The following CADM2 variants were observed in gnomAD, a reference collection of about 807,000 sequenced individuals.
The protein encoded by CADM2 is immunoglobulin superfamily member 4D.
In CADM2, 12 loss-of-function variants were observed where a neutral mutation model predicts 49.8. The ratio of observed to expected loss-of-function variants is 0.24; its 90% CI spans 0.15 to 0.39. The LOEUF is 0.39. Ranked by LOEUF, CADM2 falls within the 10% of genes least tolerant of loss-of-function variation. The pLI is 1.00. For missense variants in CADM2, 378 were observed against 492.3 expected, an observed-to-expected ratio of 0.77 and a Z score of 2.20; for synonymous variants, 214 against 175.4, an observed-to-expected ratio of 1.22 and a Z score of -1.74.
At chr3:85,440,721 G>A (rs1415922939) in intron 1 of CADM2, among the ~76,000 whole-genome samples, 3 of 140,886 alleles carry the variant, frequency 2.1e-5, no homozygotes, top group East Asian at 4.0e-4. Context: ...CATGGCTCAC[G>A]TCTGTAATCC....
chr3:85,493,852 G>T (rs932936461), intron 1 of CADM2, among the ~76,000 whole-genome samples: 1 of 152,182 alleles, frequency 6.6e-6, no homozygotes, highest in Non-Finnish European at 1.5e-5. Context: ...CCCTGTGTGA[G>T]ATATGCTTTC....
intron 3 of CADM2, among the ~76,000 whole-genome samples, chr3:85,806,980 T>G (rs1439914119): frequency 6.6e-6 from 1 of 152,150 alleles, no homozygotes; most frequent in Non-Finnish European, 1.5e-5. Context: ...GACCTAACAA[T>G]CAAGGATATT....
intron 7 of CADM2, among the ~76,000 whole-genome samples, chr3:85,947,331 A>C (rs1200549262): frequency 6.6e-6 from 1 of 151,572 alleles, no homozygotes; most frequent in African/African-American, 2.4e-5. Flanking sequence ...AGATATTCTT[A>C]TACCAGCAGT....
At chr3:85,326,360 G>C (rs534667576) in intron 1 of CADM2, among the ~76,000 whole-genome samples, 1 of 152,180 alleles carries the variant, frequency 6.6e-6, no homozygotes, top group South Asian at 2.1e-4. Flanking sequence ...ATATTGGTCA[G>C]AAAACAGCAG....
chr3:85,256,847 A>C (rs908044975), intron 1 of CADM2, among the ~76,000 whole-genome samples: 6 of 152,120 alleles, frequency 3.9e-5, no homozygotes, highest in Non-Finnish European at 8.8e-5. Flanking sequence ...CTGTGGTTTG[A>C]ATTTGATTTT....
intron 1 of CADM2, among the ~76,000 whole-genome samples, chr3:85,347,442 TG>T (rs146511066): frequency 0.36 from 53,559 of 147,154 alleles, 11,506 homozygotes; most frequent in East Asian, 0.76. Context: ...AGCCAATTTT[TG>T]GAAGAAAGTA....
Position 85,680,223 on chromosome 3 carries a change from A to T in CADM2, c.62-46299A>T, listed in dbSNP as rs868775385. Among the ~76,000 whole-genome samples, 4 of 152,022 alleles carry T rather than the reference A, an allele frequency of 2.6e-5. No individual in the cohort carries two copies. The South Asian group carries it at 6.2e-4, about 24-fold the overall frequency. ...AATCTAGATTAGTGAAAATATAAAAATTTTTCACACTTCTAAGAAGTTCTG... is the reference window on the plus strand; with the variant it reads ...AATCTAGATTAGTGAAAATATAAAATTTTTTCACACTTCTAAGAAGTTCTG... On this transcript the variant is annotated intron_variant, in intron 1 of 9. Coordinates refer to ENST00000383699, the MANE Select transcript of CADM2 (RefSeq NM_001167675.2).
At chr3:85,631,521 G>T (rs991250802) in intron 1 of CADM2, among the ~76,000 whole-genome samples, 1 of 152,026 alleles carries the variant, frequency 6.6e-6, no homozygotes, top group Non-Finnish European at 1.5e-5. Flanking sequence ...ACAAATGTCT[G>T]TTCAGTTGAG....
intron 1 of CADM2, among the ~76,000 whole-genome samples, chr3:85,486,649 G>T (rs76177044): frequency 1.3e-5 from 2 of 151,882 alleles, no homozygotes; most frequent in African/African-American, 4.8e-5. Flanking sequence ...TATTATAAAG[G>T]TTCCCAACAG....
At chr3:84,994,823 T>A (rs2033087266) in intron 1 of CADM2, among the ~76,000 whole-genome samples, 1 of 152,102 alleles carries the variant, frequency 6.6e-6, no homozygotes, top group African/African-American at 2.4e-5. Context: ...TGTCAGGAGT[T>A]CGAGAGCAGC....
At chr3:85,477,158 ACT>A (rs1261977239) in intron 1 of CADM2, among the ~76,000 whole-genome samples, 1 of 150,804 alleles carries the variant, frequency 6.6e-6, no homozygotes, top group African/African-American at 2.4e-5. Context: ...AGAATACCAC[ACT>A]GTCAAAAAAC....
intron 1 of CADM2, among the ~76,000 whole-genome samples, chr3:85,148,603 AC>A (rs2039824324): frequency 6.6e-6 from 1 of 152,186 alleles, no homozygotes; most frequent in Non-Finnish European, 1.5e-5. Context: ...CAAACAATGC[AC>A]CATTCTCCCA....
intron 3 of CADM2, among the ~76,000 whole-genome samples, chr3:85,803,855 A>G (rs2108085390): frequency 6.6e-6 from 1 of 152,318 alleles, no homozygotes; most frequent in African/African-American, 2.4e-5. Context: ...TTGTTTAACC[A>G]AACATCTGGG....
chr3:85,576,133 G>C (rs1435787946), intron 1 of CADM2, among the ~76,000 whole-genome samples: 1 of 151,978 alleles, frequency 6.6e-6, no homozygotes, highest in East Asian at 1.9e-4. Flanking sequence ...TGTCAACTTT[G>C]TTTTAACATA....
chr3:86,071,005 C>T lies in CADM2; in HGVS notation c.*4222C>T, dbSNP rs1476826011. ...AGATCCAAGAGGTTGCTAATCTTCA[C>T]CTCTCACATACTAAAGCATTCATTA... is the stretch of plus-strand genomic sequence containing the variant. On this transcript the variant is annotated 3_prime_UTR_variant, in exon 10 of 10. Transcript: ENST00000383699. The T allele has an allele frequency of 2.0e-5, 3 of 151,902 alleles. No individual in the cohort carries two copies. The highest frequency in any genetic ancestry group is 4.4e-5 in the Non-Finnish European group (3 of 67,816). The allele number at this position is 151,902 out of a possible 1,614,324, so 9.4% of individuals were successfully genotyped here.
At chr3:85,756,893 T>C (rs2107884775) in intron 2 of CADM2, among the ~76,000 whole-genome samples, 1 of 152,206 alleles carries the variant, frequency 6.6e-6, no homozygotes. Flanking sequence ...ACAGAGACGT[T>C]TTATATAATT....
chr3:85,952,674 T>C lies in CADM2; in HGVS notation c.792-8795T>C, dbSNP rs188804485. ...TACAGACTAGAGGCTGTAAAGAGAG[T>C]TTCTTTTATCTCTTCCTTAACACCA... is the stretch of plus-strand genomic sequence containing the variant. On this transcript the variant is annotated intron_variant, in intron 7 of 9. Coordinates refer to ENST00000383699, the MANE Select transcript of CADM2 (RefSeq NM_001167675.2). 1.6e-3 allele frequency among the ~76,000 whole-genome samples: 244 copies of C among 150,960 alleles called. 1 individual carries two copies. The highest frequency in any genetic ancestry group is 0.015 in the Admixed American group (229 of 15,068).
At chr3:85,935,737 T>A in intron 6 of CADM2, 30 bp from the exon 7 acceptor site, 2 of 1,311,548 alleles carry the variant, frequency 1.5e-6, no homozygotes, top group South Asian at 2.6e-5. Context: ...ATGTGTTTAA[T>A]TACCTTTCTT....
chr3:84,959,002 C>CGTCGCCGCTGCCGCT lies in CADM2; in HGVS notation c.-604_-590dup. The CGTCGCCGCTGCCGCT allele has an allele frequency of 5.0e-6, 1 of 201,598 alleles. No homozygotes were observed. Among genetic ancestry groups the CGTCGCCGCTGCCGCT allele is most frequent in the Non-Finnish European group, 9.9e-6 (1 of 101,220 alleles). The allele number at this position is 201,598 out of a possible 1,614,324, so 12.5% of individuals were successfully genotyped here. A position where few individuals can be genotyped will look rare whatever the true frequency, so the allele number is the denominator to read the frequency against. ...GTCTGGTGCTTCGTAGAGCTGCCGC[C>CGTCGCCGCTGCCGCT]GTCGCCGCTGCCGCTGCCGCCACAG... is the stretch of plus-strand genomic sequence containing the variant. On this transcript the variant is annotated 5_prime_UTR_variant, in exon 1 of 10. Coordinates refer to ENST00000383699, the MANE Select transcript of CADM2 (RefSeq NM_001167675.2).
Sources: allele counts gnomAD v4.1 joint callset (sites outside exome capture counted in the v4.1 genomes callset), GRCh38; gene constraint gnomAD v4.1.1; transcripts MANE v1.5; gene names NCBI Gene and HGNC (gene_info 2026-07-23, HGNC 2026-07-21).